NAALADL2: variants seen among roughly 807,000 people sequenced by gnomAD.
NAALADL2 encodes the protein N-acetylated alpha-linked acidic dipeptidase like 2.
Under a neutral mutation model 87.2 loss-of-function variants are expected in NAALADL2, and 76 were observed. The ratio of observed to expected loss-of-function variants is 0.87; its 90% CI spans 0.72 to 1.05. The LOEUF is 1.05. Ranked by LOEUF, NAALADL2 falls within the 50% of genes least tolerant of loss-of-function variation. The probability of loss-of-function intolerance (pLI) is 0.00; values close to 1 mark genes in which losing one functional copy is unlikely to be tolerated. For synonymous variants in NAALADL2, 354 were observed against 331.0 expected (o/e 1.07, Z -0.75); for missense variants, 1,089 against 945.8 (o/e 1.15, Z -1.99).
intron 6 of NAALADL2, chr3:175,460,061 T>C (rs1289524125): frequency 1.1e-5 from 5 of 436,002 alleles, no homozygotes; most frequent in Middle Eastern, 6.8e-4. Flanking sequence ...CTACAGAGAG[T>C]TGAATTATTC....
At chr3:175,484,904 C>T (rs756375158) in intron 9 of NAALADL2, among the ~76,000 whole-genome samples, 6 of 152,118 alleles carry the variant, frequency 3.9e-5, no homozygotes, top group Non-Finnish European at 7.4e-5. Context: ...TCAGTGTGCT[C>T]TTTGCCTGTG....
intron 10 of NAALADL2, among the ~76,000 whole-genome samples, chr3:175,620,386 G>A (rs1314202019): frequency 6.6e-6 from 1 of 152,200 alleles, no homozygotes; most frequent in Non-Finnish European, 1.5e-5. Flanking sequence ...GTCAAGATGA[G>A]GGGAATGCAA....
chr3:174,725,847 A>G (rs1732129362), intron 2 of NAALADL2, among the ~76,000 whole-genome samples: 1 of 152,214 alleles, frequency 6.6e-6, no homozygotes, highest in Non-Finnish European at 1.5e-5. Flanking sequence ...AGTTGTCTCT[A>G]AAGCGGCACC....
intron 3 of NAALADL2, among the ~76,000 whole-genome samples, chr3:174,819,636 G>C (rs1721211173): frequency 6.6e-6 from 1 of 151,940 alleles, no homozygotes; most frequent in African/African-American, 2.4e-5. Context: ...TATATTGTTG[G>C]GCACCTGTTC....
At chr3:174,641,150 C>G (rs1474399872) in intron 2 of NAALADL2, among the ~76,000 whole-genome samples, 6 of 152,112 alleles carry the variant, frequency 3.9e-5, no homozygotes. Context: ...CAGAGCCGCC[C>G]CCTCCTGCTG....
At chr3:175,778,269 T>G (rs1473562636) in intron 13 of NAALADL2, among the ~76,000 whole-genome samples, 1 of 152,100 alleles carries the variant, frequency 6.6e-6, no homozygotes, top group East Asian at 1.9e-4. Context: ...AGAAAAAAAG[T>G]AGCACTAGGA....
intron 1 of NAALADL2, among the ~76,000 whole-genome samples, chr3:174,884,595 G>A (rs1207299241): frequency 6.6e-6 from 1 of 152,146 alleles, no homozygotes; most frequent in Non-Finnish European, 1.5e-5. Context: ...TTGTGTGCAG[G>A]ATAGGCAAAT....
At chr3:174,985,177 T>A (rs148609310) in intron 1 of NAALADL2, among the ~76,000 whole-genome samples, 1 of 152,302 alleles carries the variant, frequency 6.6e-6, no homozygotes, top group East Asian at 1.9e-4. Flanking sequence ...ATACTCAAAC[T>A]AAAATGCTAA....
chr3:175,397,535 G>C (rs977022320), intron 5 of NAALADL2, among the ~76,000 whole-genome samples: 16 of 152,136 alleles, frequency 1.1e-4, no homozygotes, highest in African/African-American at 3.6e-4. Context: ...GGACAGGAAG[G>C]CTGAGCAGCA....
chr3:175,489,124 A>G (rs1458164737), intron 9 of NAALADL2, among the ~76,000 whole-genome samples: 1 of 152,220 alleles, frequency 6.6e-6, no homozygotes, highest in Non-Finnish European at 1.5e-5. Flanking sequence ...CTAAAACTTC[A>G]AATAAAACTA....
At position 175,356,511 on chromosome 3, in the gene NAALADL2, G is replaced by T. The variant is rs569943486; in HGVS notation, c.1090+32186G>T. On this transcript the variant is annotated intron_variant, in intron 5 of 13. Coordinates refer to ENST00000454872, the MANE Select transcript of NAALADL2 (RefSeq NM_207015.3). ...GATTGTTTGAGCCCAAGAGGTTGAGGCTACACTGAGCCATGATCACACCAC... is the reference window on the plus strand; with the variant it reads ...GATTGTTTGAGCCCAAGAGGTTGAGTCTACACTGAGCCATGATCACACCAC... Among the ~76,000 whole-genome samples the T allele has an allele frequency of 3.3e-5, 5 of 150,906 alleles. No homozygotes were observed. The South Asian group carries it at 1.0e-3, about 31-fold the overall frequency.
intron 5 of NAALADL2, among the ~76,000 whole-genome samples, chr3:175,403,195 T>C (rs911420793): frequency 3.3e-5 from 5 of 151,952 alleles, no homozygotes; most frequent in African/African-American, 9.7e-5. Flanking sequence ...TTTTGCTTTG[T>C]TTTCACTCTT....
intron 2 of NAALADL2, among the ~76,000 whole-genome samples, chr3:174,724,684 T>C (rs1181366594): frequency 1.4e-5 from 2 of 148,010 alleles, no homozygotes; most frequent in East Asian, 3.8e-4. Flanking sequence ...TTATTGATTA[T>C]ATTTTATTTG....
intron 2 of NAALADL2, among the ~76,000 whole-genome samples, chr3:174,556,000 TGTGTGTGTGCGC>T (rs966843386): frequency 7.2e-5 from 10 of 138,530 alleles, no homozygotes; most frequent in African/African-American, 2.5e-4. Flanking sequence ...TGTGTGTGTG[TGTGTGTGTGCGC>T]GCACGTGAGT....
At chr3:175,666,379 AT>A (rs1208726849) in intron 11 of NAALADL2, among the ~76,000 whole-genome samples, 4 of 152,172 alleles carry the variant, frequency 2.6e-5, no homozygotes, top group African/African-American at 9.7e-5. Context: ...TCAAATACTC[AT>A]TCTAATATTT....
chr3:175,250,381 G>T (rs1330282212), intron 3 of NAALADL2, among the ~76,000 whole-genome samples: 2 of 151,928 alleles, frequency 1.3e-5, no homozygotes, highest in East Asian at 1.9e-4. Context: ...CTAGCACCTT[G>T]ATCTTGAATT....
At chr3:174,575,167 C>T (rs1288215777) in intron 2 of NAALADL2, among the ~76,000 whole-genome samples, 1 of 152,000 alleles carries the variant, frequency 6.6e-6, no homozygotes, top group Non-Finnish European at 1.5e-5. Flanking sequence ...TAGAAGTACT[C>T]ATATTTCTCT....
intron 10 of NAALADL2, among the ~76,000 whole-genome samples, chr3:175,620,005 C>A (rs1725978105): frequency 6.6e-6 from 1 of 151,528 alleles, no homozygotes; most frequent in Non-Finnish European, 1.5e-5. Context: ...TCCTCCAAGT[C>A]TGAAAAATGG....
In NAALADL2 at chr3:175,140,587, G is replaced by A. The variant is rs1484774460; in HGVS notation, c.545+43296G>A. Among the ~76,000 whole-genome samples, 7 of 152,138 alleles carry A rather than the reference G, an allele frequency of 4.6e-5. No individual in the cohort carries two copies. In the South Asian group the frequency reaches 8.3e-4, roughly 18 times the overall value. On this transcript the variant is annotated intron_variant, in intron 2 of 13. Transcript: ENST00000454872. ...GCAGGTAAAGAGTGTTCAGCACAGA[G>A]TGAAAAATACATACCATGGGGGGAG...
Sources: gnomAD v4.1 joint callset for allele counts (sites outside exome capture counted in the v4.1 genomes callset) on GRCh38, gnomAD v4.1.1 for gene constraint, MANE v1.5 for transcripts, NCBI Gene and HGNC (gene_info 2026-07-23, HGNC 2026-07-21) for gene names.